Variants in ATAD2 observed in about 807,000 individuals in gnomAD.
The protein encoded by ATAD2 is ATPase family AAA domain containing 2.
Under a neutral mutation model 168.9 loss-of-function variants are expected in ATAD2, and 62 were observed. The observed-to-expected ratio is 0.37, with a 90% CI of 0.30 to 0.45. The LOEUF (loss-of-function observed/expected upper bound fraction) is 0.45, where lower values mean the gene tolerates loss of function less well. Among genes scored for constraint, ATAD2 ranks in the 20% least tolerant of loss-of-function variants. ATAD2 has a pLI of 1.00. For missense variants in ATAD2, 1,419 were observed against 1,667.8 expected, an observed-to-expected ratio of 0.85 and a Z score of 2.60; for synonymous variants, 613 against 571.6, an observed-to-expected ratio of 1.07 and a Z score of -1.03.
intron 6 of ATAD2, 144 bp from the exon 7 acceptor site, chr8:123,370,168 C>G: frequency 1.4e-6 from 1 of 708,696 alleles, no homozygotes; most frequent in Non-Finnish European, 2.4e-6. Context: ...AAAAACCAAA[C>G]TTATCTACTC....
At chr8:123,373,068 A>G (rs113045500) in intron 2 of ATAD2, among the ~76,000 whole-genome samples, 1 of 151,250 alleles carries the variant, frequency 6.6e-6, no homozygotes, top group Non-Finnish European at 1.5e-5. Flanking sequence ...AATTTTTTGG[A>G]TTTTTAGTAG....
intron 5 of ATAD2, 85 bp from the exon 6 acceptor site, chr8:123,371,075 TTAAGA>T (rs1237570433): frequency 8.4e-7 from 1 of 1,195,250 alleles, no homozygotes; most frequent in Non-Finnish European, 1.2e-6. Context: ...TTGTTTAAAA[TTAAGA>T]TATTTACAGC....
At chr8:123,348,023 A>T (rs759162581) in intron 15 of ATAD2, 160 bp downstream of exon 15, 1 of 692,908 alleles carries the variant, frequency 1.4e-6, no homozygotes, top group Non-Finnish European at 2.5e-6. Flanking sequence ...AACAAATATA[A>T]CCTTGTATTT....
In ATAD2 at chr8:123,319,853, AAG is replaced by A. The variant is rs1156289178; in HGVS notation, c.*1279_*1280del. The A allele has an allele frequency of 1.2e-4, 18 of 152,202 alleles. No homozygotes were observed. Among genetic ancestry groups the A allele is most frequent in the East Asian group, 5.8e-4 (3 of 5,194 alleles). The allele number at this position is 152,202 out of a possible 1,614,324, so 9.4% of individuals were successfully genotyped here. A position where few individuals can be genotyped will look rare whatever the true frequency, so the allele number is the denominator to read the frequency against. ...ATACTTAAGAAATAGAAACAAATTT[AAG>A]AGAGTTTTCACCTTTAAAATTTATT... On this transcript the variant is annotated 3_prime_UTR_variant, in exon 28 of 28. Transcript: ENST00000287394.
At chr8:123,403,744 G>T (rs541144072) in intron 1 of ATAD2, among the ~76,000 whole-genome samples, 1 of 152,210 alleles carries the variant, frequency 6.6e-6, no homozygotes, top group East Asian at 1.9e-4. Context: ...TTACTGCACT[G>T]TCCTGGTGAG....
chr8:123,349,536 T>C (rs1828378829), intron 13 of ATAD2, 92 bp from the exon 14 acceptor site: 3 of 1,244,422 alleles, frequency 2.4e-6, no homozygotes, highest in Admixed American at 2.7e-5. Flanking sequence ...ATTTAACGCA[T>C]TACATGTGAA....
At position 123,391,572 on chromosome 8, in the gene ATAD2, C is replaced by G. The variant is rs1360854886; in HGVS notation, c.171+4615G>C. On this transcript the variant is annotated intron_variant, in intron 1 of 27. Transcript: ENST00000287394. The stretch of plus-strand genomic sequence containing the variant: ...TAATGAATTAAATGAATAAATGTAA[C>G]CACCCATAAAAGCAGCCTAGCCTAA... Among the ~76,000 whole-genome samples, 3 of 144,776 alleles carry G rather than the reference C, an allele frequency of 2.1e-5. No individual in the cohort carries two copies. In the Admixed American group the frequency reaches 2.1e-4, roughly 10 times the overall value. The allele number at this position is 144,776 out of a possible 152,430, so 95.0% of individuals were successfully genotyped here.
intron 13 of ATAD2, among the ~76,000 whole-genome samples, chr8:123,355,694 G>A (rs571564501): frequency 6.6e-6 from 1 of 152,206 alleles, no homozygotes; most frequent in African/African-American, 2.4e-5. Flanking sequence ...GGAAAAAATC[G>A]ATTTTTCAAG....
At chr8:123,354,213 C>A (rs1828560423) in intron 13 of ATAD2, among the ~76,000 whole-genome samples, 3 of 152,130 alleles carry the variant, frequency 2.0e-5, no homozygotes, top group Admixed American at 2.0e-4. Context: ...ATATTATTAC[C>A]TAATGACATT....
At chr8:123,411,554 A>G (rs1486896653) in intron 1 of ATAD2, among the ~76,000 whole-genome samples, 1 of 152,172 alleles carries the variant, frequency 6.6e-6, no homozygotes, top group African/African-American at 2.4e-5. Flanking sequence ...CTCAAACCCA[A>G]CCAATCAGAG....
At chr8:123,332,042 A>C (rs757018605) in intron 24 of ATAD2, among the ~76,000 whole-genome samples, 45 of 152,162 alleles carry the variant, frequency 3.0e-4, no homozygotes, top group Admixed American at 5.2e-4. Flanking sequence ...TTGTGTGGTA[A>C]GTTTTGATAA....
chr8:123,374,883 C>T (rs1046922570), intron 2 of ATAD2, among the ~76,000 whole-genome samples: 4 of 152,282 alleles, frequency 2.6e-5, no homozygotes, highest in South Asian at 2.1e-4. Context: ...TAGTTAAGAA[C>T]CCCAGGATCA....
rs1249830012 is a variant in ATAD2 at position 123,346,093 on chromosome 8, C to T, written c.2525G>A (p.Cys842Tyr). 1 of 1,527,652 alleles carries T rather than the reference C, an allele frequency of 6.5e-7. No individual in the cohort carries two copies. 94.6% of individuals were successfully genotyped at this position (1,527,652 alleles called of 1,614,324 possible). A position where few individuals can be genotyped will look rare whatever the true frequency, so the allele number is the denominator to read the frequency against. The change falls in exon 18 of 28, where the codon TGT becomes TAT. Residue 842 changes from cysteine to tyrosine, a missense_variant. Transcript: ENST00000287394. Reference protein sequence around the residue: ...GVSTTSPEETCAQVIREAKRT... With the variant: ...GVSTTSPEETYAQVIREAKRT... ...TGGGCACCAACAAATTACCTGGGCA[C>T]ATGTTTCTTCAGGGGATGTAGTACT...
At chr8:123,328,651 C>T (rs1827681776) in intron 24 of ATAD2, 72 bp from the exon 25 acceptor site, 1 of 1,397,080 alleles carries the variant, frequency 7.2e-7, no homozygotes, top group South Asian at 1.6e-5. Flanking sequence ...GTGAAAAACC[C>T]TGATATATGA....
chr8:123,357,412 C>T (rs972543213), intron 12 of ATAD2, 150 bp downstream of exon 12: 18 of 780,068 alleles, frequency 2.3e-5, no homozygotes, highest in African/African-American at 3.6e-5. Context: ...AGTGTCATCT[C>T]GACATATAAA....
intron 24 of ATAD2, among the ~76,000 whole-genome samples, chr8:123,331,648 C>G (rs553061906): frequency 1.3e-5 from 2 of 152,326 alleles, no homozygotes; most frequent in South Asian, 4.1e-4. Flanking sequence ...AACAATTCAA[C>G]TTTATCTTAG....
rs114478470 is a variant in ATAD2, at chr8:123,401,550, T to G, written c.-2281-375A>C. 5.1e-3 allele frequency: 7,787 copies of G among 1,529,894 alleles called. 343 individuals are homozygous for G. In the African/African-American group the frequency reaches 0.092, roughly 18 times the overall value. 94.8% of individuals were successfully genotyped at this position (1,529,894 alleles called of 1,614,324 possible). A position where few individuals can be genotyped will look rare whatever the true frequency, so the allele number is the denominator to read the frequency against. On this transcript the variant is annotated intron_variant, in intron 1 of 28. Transcript: ENST00000521903. ...GGACGGGCTGTGTGTGGGCATAGGCTGCGGCTCCCTCTGCATCACCCAGGA... is the reference window on the plus strand; with the variant it reads ...GGACGGGCTGTGTGTGGGCATAGGCGGCGGCTCCCTCTGCATCACCCAGGA...
chr8:123,372,967 A>T (rs1231600850), intron 2 of ATAD2, among the ~76,000 whole-genome samples: 1 of 147,634 alleles, frequency 6.8e-6, no homozygotes, highest in African/African-American at 2.5e-5. Context: ...ATCTCGGCTC[A>T]CTGCAAGCTC....
chr8:123,362,876 G>T (rs1828867548), intron 8 of ATAD2, among the ~76,000 whole-genome samples: 1 of 152,116 alleles, frequency 6.6e-6, no homozygotes, highest in Non-Finnish European at 1.5e-5. Context: ...TAACAGCTGT[G>T]TAAATGTGGA....
Sources: gnomAD v4.1 joint callset for allele counts (sites outside exome capture counted in the v4.1 genomes callset) on GRCh38, gnomAD v4.1.1 for gene constraint, MANE v1.5 for transcripts, NCBI Gene and HGNC (gene_info 2026-07-23, HGNC 2026-07-21) for gene names.